The following SRPK1 variants were observed in gnomAD, a reference collection of about 807,000 sequenced individuals.
SRPK1 encodes the protein SRSF protein kinase 1, also known as SFRS protein kinase 1.
A neutral mutation model predicts 89.5 loss-of-function variants in SRPK1; 52 were observed. That is an observed-to-expected ratio of 0.58 (90% CI 0.46 to 0.73). The LOEUF (loss-of-function observed/expected upper bound fraction) is 0.73, where lower values mean the gene tolerates loss of function less well. SRPK1 is among the 30% of genes least tolerant of loss of function. The pLI, the probability that SRPK1 is intolerant of heterozygous loss-of-function variation, is 0.00. For synonymous variants in SRPK1, 255 were observed against 270.2 expected (o/e 0.94, Z 0.55); for missense variants, 603 against 780.6 (o/e 0.77, Z 2.71).
At position 35,877,765 on chromosome 6, in the gene SRPK1, C is replaced by T. The variant is rs1194725198; in HGVS notation, c.479-3426G>A. Among the ~76,000 whole-genome samples the T allele has an allele frequency of 2.6e-5, 4 of 151,802 alleles. No individual in the cohort carries two copies. The East Asian group carries it at 7.7e-4, about 29-fold the overall frequency. The stretch of plus-strand genomic sequence containing the variant: ...GGCTAAGGCAGGAGAATCACTTGAA[C>T]CCAGGAGGCGGAGGTTGCAGTGAGC... On this transcript the variant is annotated intron_variant, in intron 6 of 15. Transcript: ENST00000373825.
chr6:35,880,742 A>AAAAAAAAAAAAAAAAAG, intron 6 of SRPK1, among the ~76,000 whole-genome samples: 1 of 28,176 alleles, frequency 3.5e-5, no homozygotes, highest in African/African-American at 3.1e-4. Flanking sequence ...AAAGAAAAAA[A>AAAAAAAAAAAAAAAAAG]AAAAAAAAGA....
chr6:35,909,304 C>G (rs1228919727), intron 2 of SRPK1, among the ~76,000 whole-genome samples: 1 of 152,230 alleles, frequency 6.6e-6, no homozygotes, highest in Non-Finnish European at 1.5e-5. Flanking sequence ...TTAGTGACAG[C>G]CCGGCTGAAT....
intron 12 of SRPK1, among the ~76,000 whole-genome samples, chr6:35,868,758 G>A (rs1438006495): frequency 6.6e-6 from 1 of 152,118 alleles, no homozygotes; most frequent in African/African-American, 2.4e-5. Context: ...TGACATTACT[G>A]AATCTGGGTG....
intron 13 of SRPK1, among the ~76,000 whole-genome samples, chr6:35,842,935 G>A (rs913684197): frequency 1.4e-4 from 21 of 151,044 alleles, no homozygotes; most frequent in South Asian, 2.1e-4. Flanking sequence ...GGATATTAAG[G>A]TGATTCTAAG....
chr6:35,891,564 A>G (rs938798005), intron 2 of SRPK1, among the ~76,000 whole-genome samples: 1 of 151,974 alleles, frequency 6.6e-6, no homozygotes, highest in South Asian at 2.1e-4. Flanking sequence ...TACTAAGGAA[A>G]CAAAAAATTT....
chr6:35,859,911 T>G (rs924346725), intron 12 of SRPK1, among the ~76,000 whole-genome samples: 3 of 150,402 alleles, frequency 2.0e-5, no homozygotes, highest in Non-Finnish European at 4.4e-5. Context: ...CAGGCTGGAG[T>G]GCAGTGGTGC....
chr6:35,873,850 G>A (rs1378731171), intron 7 of SRPK1, among the ~76,000 whole-genome samples: 8 of 148,868 alleles, frequency 5.4e-5, no homozygotes, highest in Admixed American at 2.0e-4. Flanking sequence ...TTTTTGAGAC[G>A]GAGTCTCGCT....
At chr6:35,893,557 G>C (rs1278967416) in intron 2 of SRPK1, among the ~76,000 whole-genome samples, 2 of 152,078 alleles carry the variant, frequency 1.3e-5, no homozygotes, top group African/African-American at 4.8e-5. Flanking sequence ...CTGCACAGCA[G>C]ACAGACTGGT....
rs558633814 is a variant in SRPK1 at position 35,848,590 on chromosome 6, C to T, written c.1621-5986G>A. ...AACAAAGCTGGAGGCATCAAACCACCTGATTTCAAACTATACTACAAAGCT... is the reference window on the plus strand; with the variant it reads ...AACAAAGCTGGAGGCATCAAACCACTTGATTTCAAACTATACTACAAAGCT... On this transcript the variant is annotated intron_variant, in intron 13 of 15. Transcript: ENST00000373825. 4.1e-4 allele frequency among the ~76,000 whole-genome samples: 63 copies of T among 152,218 alleles called. 1 individual carries two copies. The highest frequency in any genetic ancestry group is 3.1e-3 in the Admixed American group (48 of 15,276).
chr6:35,877,460 T>C (rs914535070), intron 6 of SRPK1, among the ~76,000 whole-genome samples: 1 of 152,222 alleles, frequency 6.6e-6, no homozygotes, highest in African/African-American at 2.4e-5. Flanking sequence ...TCACAGATGT[T>C]AGAATTAGAC....
chr6:35,881,426 CAT>C (rs71540127), intron 6 of SRPK1, among the ~76,000 whole-genome samples: 1 of 147,100 alleles, frequency 6.8e-6, no homozygotes, highest in Non-Finnish European at 1.5e-5. Context: ...GTAGAATACA[CAT>C]ATAGATATAG....
At chr6:35,856,537 A>G (rs9470141) in intron 13 of SRPK1, among the ~76,000 whole-genome samples, 47,893 of 152,036 alleles carry the variant, frequency 0.32, 7,780 homozygotes, top group South Asian at 0.42. Flanking sequence ...AGTTAGCATC[A>G]GAATTACATT....
chr6:35,920,286 C>T (rs1245356021), intron 2 of SRPK1, 182 bp downstream of exon 2: 3 of 693,926 alleles, frequency 4.3e-6, no homozygotes, highest in African/African-American at 1.8e-5. Flanking sequence ...CCAGGCCTGG[C>T]GTTGAGCAAC....
intron 2 of SRPK1, among the ~76,000 whole-genome samples, chr6:35,901,550 T>TA (rs751583290): frequency 2.6e-5 from 4 of 152,224 alleles, no homozygotes; most frequent in Non-Finnish European, 4.4e-5. Flanking sequence ...GGTACTTTGT[T>TA]ACAGAAGACT....
At position 35,838,374 on chromosome 6, in the gene SRPK1, C is replaced by T. The variant is rs1237129316; in HGVS notation, c.1746G>A (p.Val582=). Residue 582 remains valine (V), a synonymous_variant, in exon 15 of 16, where the codon GTG becomes GTA. Coordinates refer to ENST00000373825, the MANE Select transcript of SRPK1 (RefSeq NM_003137.5). ...AAAATTCCTTGGAATATTTTCCTGC[C>T]ACAATGAGCTTGCGAGGCACCTTCC... is the stretch of plus-strand genomic sequence containing the variant. The part of the protein sequence containing the change: ...LLGKVPRKLI[V]AGKYSKEFFT... 5 of 1,578,314 alleles carry T rather than the reference C, an allele frequency of 3.2e-6. No individual in the cohort carries two copies. The highest frequency in any genetic ancestry group is 4.3e-6 in the Non-Finnish European group (5 of 1,170,578).
rs377568721 is a variant in SRPK1, at chr6:35,861,519, T to C, written c.1513-4151A>G. On this transcript the variant is annotated intron_variant, in intron 12 of 15. Transcript: ENST00000373825. Reference sequence around the variant, plus strand: ...GAAGAGGGGAGGCTAGGCACTCTCATGCACTCCTGGGAGGGTCCCTATCAC... The same window carrying C: ...GAAGAGGGGAGGCTAGGCACTCTCACGCACTCCTGGGAGGGTCCCTATCAC... Among the ~76,000 whole-genome samples, 170 of 152,300 alleles carry C rather than the reference T, an allele frequency of 1.1e-3. 3 individuals carry two copies. The South Asian group carries it at 0.033, about 30-fold the overall frequency.
chr6:35,920,694 G>A, intron 1 of SRPK1, 166 bp from the exon 2 acceptor site: 1 of 267,976 alleles, frequency 3.7e-6, no homozygotes. Context: ...CCCACGGGGC[G>A]CAGAGCAGCG....
At chr6:35,889,066 G>A (rs1770465997) in intron 3 of SRPK1, 143 bp from the exon 4 acceptor site, 1 of 553,942 alleles carries the variant, frequency 1.8e-6, no homozygotes, top group African/African-American at 1.9e-5. Flanking sequence ...TTCAACAGAA[G>A]AAAATCTTAA....
intron 13 of SRPK1, among the ~76,000 whole-genome samples, chr6:35,850,618 T>C (rs3804456): frequency 0.061 from 9,235 of 152,250 alleles, 464 homozygotes; most frequent in East Asian, 0.28. Flanking sequence ...AAATAAATGG[T>C]TCTATATCAA....
Sources: gnomAD v4.1 joint callset for allele counts (sites outside exome capture counted in the v4.1 genomes callset) on GRCh38, gnomAD v4.1.1 for gene constraint, MANE v1.5 for transcripts, NCBI Gene and HGNC (gene_info 2026-07-23, HGNC 2026-07-21) for gene names.